The following IPO9 variants were observed in gnomAD, a reference collection of about 807,000 sequenced individuals.
The protein encoded by IPO9 is importin 9.
In IPO9, 28 loss-of-function variants were observed where a neutral mutation model predicts 128.6. That is an observed-to-expected ratio of 0.22 (90% CI 0.16 to 0.30). IPO9 has a LOEUF of 0.30. Among genes scored for constraint, IPO9 ranks in the 10% least tolerant of loss-of-function variants. The pLI is 1.00. For synonymous variants in IPO9, 455 were observed against 475.8 expected (o/e 0.96, Z 0.57); for missense variants, 935 against 1,293.9 (o/e 0.72, Z 4.26).
At chr1:201,858,824 T>G in intron 12 of IPO9, 31 bp from the exon 13 acceptor site, 1 of 1,573,584 alleles carries the variant, frequency 6.4e-7, no homozygotes, top group Non-Finnish European at 8.7e-7. Flanking sequence ...CAGTTTAGTA[T>G]GTTTTACTAG....
intron 14 of IPO9, among the ~76,000 whole-genome samples, chr1:201,865,889 C>T (rs980924748): frequency 2.0e-5 from 3 of 152,080 alleles, no homozygotes; most frequent in South Asian, 2.1e-4. Flanking sequence ...GTCAGGAGTT[C>T]GCTCCATTTC....
At chr1:201,855,637 C>T in intron 9 of IPO9, 146 bp from the exon 10 acceptor site, 1 of 690,792 alleles carries the variant, frequency 1.4e-6, no homozygotes, top group Non-Finnish European at 2.3e-6. Context: ...GACCTCTGAG[C>T]CCTCTCTCCC....
Position 201,848,533 on chromosome 1 carries a change from C to T in IPO9, c.453C>T (p.Leu151=), listed in dbSNP as rs1251844198. ...CTTGGCCCCAACTCTTCAACCTGCT[C>T]ATGGAGATGTTGGTGAGCGGAGACT... ...PEAWPQLFNL[L]MEMLVSGDLN... The change falls in exon 4 of 24, where the codon CTC becomes CTT. Residue 151 remains leucine (L), a synonymous_variant. Coordinates refer to ENST00000361565, the MANE Select transcript of IPO9 (RefSeq NM_018085.5). The T allele has an allele frequency of 2.5e-6, 4 of 1,614,176 alleles. No homozygotes were observed. Among genetic ancestry groups the T allele is most frequent in the Admixed American group, 1.7e-5 (1 of 60,012 alleles).
At position 201,879,734 on chromosome 1, in the gene IPO9, T is replaced by G. The variant is rs1210368245; in HGVS notation, c.*3680T>G. 7.2e-5 allele frequency: 11 copies of G among 152,214 alleles called. No individual in the cohort carries two copies. The highest frequency in any genetic ancestry group is 1.2e-4 in the Non-Finnish European group (8 of 68,052). The allele number at this position is 152,214 out of a possible 1,614,324, so 9.4% of individuals were successfully genotyped here. ...GAGTACTGTGCTGTCACTAACAGTA[T>G]TGTGTGCTACTAAGAGTTTAATGGC... On this transcript the variant is annotated 3_prime_UTR_variant, in exon 24 of 24. Transcript: ENST00000361565.
Position 201,880,889 on chromosome 1 carries a change from T to C in IPO9, c.*4835T>C, listed in dbSNP as rs1037183756. Reference sequence around the variant, plus strand: ...AGACATTCAACACTTTATTATAAAATAGGCTTTGTGTTAGATGAGTTTGCC... The same window carrying C: ...AGACATTCAACACTTTATTATAAAACAGGCTTTGTGTTAGATGAGTTTGCC... On this transcript the variant is annotated 3_prime_UTR_variant, in exon 24 of 24. Transcript: ENST00000361565. The C allele has an allele frequency of 6.6e-6, 1 of 152,256 alleles. No individual in the cohort carries two copies. Among genetic ancestry groups the C allele is most frequent in the African/African-American group, 2.4e-5 (1 of 41,468 alleles). The allele number at this position is 152,256 out of a possible 1,614,324, so 9.4% of individuals were successfully genotyped here.
intron 13 of IPO9, among the ~76,000 whole-genome samples, chr1:201,860,730 A>G (rs1438513428): frequency 6.6e-6 from 1 of 152,218 alleles, no homozygotes; most frequent in African/African-American, 2.4e-5. Context: ...TGTGGCTTTA[A>G]TTTATTAATA....
intron 1 of IPO9, among the ~76,000 whole-genome samples, chr1:201,837,397 A>T (rs776858004): frequency 2.0e-5 from 3 of 152,180 alleles, no homozygotes; most frequent in Non-Finnish European, 4.4e-5. Context: ...GATAGGACCT[A>T]TGTGTAAAGT....
Position 201,855,113 on chromosome 1 carries a change from C to T in IPO9, c.912-11C>T, listed in dbSNP as rs1680304904. The T allele has an allele frequency of 6.4e-7, 1 of 1,558,710 alleles. No homozygotes were observed. Among genetic ancestry groups the T allele is most frequent in the African/African-American group, 1.4e-5 (1 of 73,502 alleles). On this transcript the variant is annotated splice_polypyrimidine_tract_variant and intron_variant, in intron 8 of 23. Transcript: ENST00000361565. ...AGACTCCAAATTCTATTTCTTTACT[C>T]TTCATCATACTTATGTGAGGACAGA... is the stretch of plus-strand genomic sequence containing the variant.
chr1:201,848,587 G>T lies in IPO9; in HGVS notation c.507G>T (p.Val169=). 5.0e-6 allele frequency: 8 copies of T among 1,613,848 alleles called. No individual in the cohort carries two copies. The highest frequency in any genetic ancestry group is 1.7e-4 in the Middle Eastern group (1 of 5,852). The change falls in exon 4 of 24, where the codon GTG becomes GTT. Residue 169 remains valine, a synonymous_variant. Coordinates refer to ENST00000361565, the MANE Select transcript of IPO9 (RefSeq NM_018085.5). ...DLNAVHGAMR[V]LTEFTREVTD... ...ATGCCGTCCATGGAGCCATGCGTGT[G>T]CTGACAGGTACCAGAAGCCCTTTTC...
chr1:201,871,749 G>C (rs1680656969), intron 19 of IPO9, among the ~76,000 whole-genome samples: 1 of 151,944 alleles, frequency 6.6e-6, no homozygotes, highest in African/African-American at 2.4e-5. Flanking sequence ...ATTTCAAATG[G>C]CTCTCTGTAT....
chr1:201,841,173 C>G (rs1295492752), intron 1 of IPO9, among the ~76,000 whole-genome samples: 1 of 152,034 alleles, frequency 6.6e-6, no homozygotes, highest in Non-Finnish European at 1.5e-5. Flanking sequence ...AGAGGAAGAA[C>G]TAACCTAAGT....
chr1:201,831,721 C>T (rs1025211990), intron 1 of IPO9, among the ~76,000 whole-genome samples: 3 of 152,136 alleles, frequency 2.0e-5, no homozygotes, highest in African/African-American at 7.2e-5. Flanking sequence ...TACATGAAAA[C>T]ATAGAACCCA....
At position 201,855,285 on chromosome 1, in the gene IPO9, T is replaced by C. The variant is rs150129637; in HGVS notation, c.970+103T>C. 6.4e-3 allele frequency: 4,421 copies of C among 688,328 alleles called. 27 individuals carry two copies. Among genetic ancestry groups the C allele is most frequent in the Non-Finnish European group, 9.3e-3 (3,569 of 385,324 alleles). The allele number at this position is 688,328 out of a possible 1,614,324, so 42.6% of individuals were successfully genotyped here. ...CAGTAACTTGAGAGGCTTCACTCTA[T>C]TAAGTGTTTTCTAATTCAGTTTATT... On this transcript the variant is annotated intron_variant, in intron 9 of 23. Transcript: ENST00000361565.
chr1:201,839,517 T>C (rs947435607), intron 1 of IPO9, among the ~76,000 whole-genome samples: 2 of 130,272 alleles, frequency 1.5e-5, no homozygotes, highest in African/African-American at 6.1e-5. Flanking sequence ...TCCGAGATCA[T>C]GACACTGCAC....
chr1:201,868,694 C>T lies in IPO9; in HGVS notation c.1902C>T (p.Ser634=), dbSNP rs1484778512. The change falls in exon 16 of 24, where the codon TCC becomes TCT. Residue 634 remains serine (S), a synonymous_variant. Coordinates refer to ENST00000361565, the MANE Select transcript of IPO9 (RefSeq NM_018085.5). ...SLAQDIFKEL[S]QIEACQGPMQ... ...CTCAGGACATCTTCAAGGAGCTGTC[C>T]CAGATTGAAGCCTGTCAGGGCCCAA... 1 of 1,613,866 alleles carries T rather than the reference C, an allele frequency of 6.2e-7. No homozygotes were observed. The highest frequency in any genetic ancestry group is 8.5e-7 in the Non-Finnish European group (1 of 1,179,958).
chr1:201,842,929 T>G (rs1300790032), intron 1 of IPO9, among the ~76,000 whole-genome samples: 1 of 152,218 alleles, frequency 6.6e-6, no homozygotes, highest in Non-Finnish European at 1.5e-5. Context: ...GCTCTGAGCC[T>G]CTTTTGAGGT....
In IPO9 at chr1:201,876,180, C is replaced by A; in HGVS notation, c.*126C>A. Reference sequence around the variant, plus strand: ...CATCTTGACCCTTGGCCCTTGGCCTCGGCAGTGACACTGATGACAATTCAG... The same window carrying A: ...CATCTTGACCCTTGGCCCTTGGCCTAGGCAGTGACACTGATGACAATTCAG... On this transcript the variant is annotated 3_prime_UTR_variant, in exon 24 of 24. Coordinates refer to ENST00000361565, the MANE Select transcript of IPO9 (RefSeq NM_018085.5). 1 of 775,678 alleles carries A rather than the reference C, an allele frequency of 1.3e-6. No individual in the cohort carries two copies. Among genetic ancestry groups the A allele is most frequent in the Middle Eastern group, 2.7e-4 (1 of 3,756 alleles). 48.0% of individuals were successfully genotyped at this position (775,678 alleles called of 1,614,324 possible).
At chr1:201,859,654 A>G (rs1018257873) in intron 13 of IPO9, among the ~76,000 whole-genome samples, 6 of 152,122 alleles carry the variant, frequency 3.9e-5, no homozygotes, top group Non-Finnish European at 7.4e-5. Flanking sequence ...CATGTTAGCC[A>G]TCTGTCTTAA....
At position 201,858,926 on chromosome 1, in the gene IPO9, A is replaced by G; in HGVS notation, c.1400A>G (p.Asn467Ser). The change falls in exon 13 of 24, where the codon AAT becomes AGT. Residue 467 changes from asparagine (N) to serine (S), a missense_variant. Physicochemically the swap from Asn to Ser is conservative, Grantham distance 46. Coordinates refer to ENST00000361565, the MANE Select transcript of IPO9 (RefSeq NM_018085.5). Reference protein sequence around the residue: ...VKAIITDSVKNGRIHFDMHGF... With the variant: ...VKAIITDSVKSGRIHFDMHGF... ...GCCATCATCACTGACAGTGTGAAAA[A>G]TGGCAGGATTCATTTTGACATGCAT... 2.5e-6 allele frequency: 4 copies of G among 1,612,652 alleles called. No homozygotes were observed. The highest frequency in any genetic ancestry group is 3.4e-6 in the Non-Finnish European group (4 of 1,178,982).
Sources: gnomAD v4.1 joint callset for allele counts (sites outside exome capture counted in the v4.1 genomes callset) on GRCh38, gnomAD v4.1.1 for gene constraint, MANE v1.5 for transcripts, NCBI Gene and HGNC (gene_info 2026-07-23, HGNC 2026-07-21) for gene names.